Variants in MAST4 observed in about 807,000 individuals in gnomAD.
MAST4 encodes microtubule associated serine/threonine kinase family member 4.
Under a neutral mutation model 162.7 loss-of-function variants are expected in MAST4, and 89 were observed. That is an observed-to-expected ratio of 0.55 (90% CI 0.46 to 0.65). The LOEUF is 0.65. MAST4 is among the 30% of genes least tolerant of loss of function. The pLI is 0.00. For missense variants in MAST4, 3,153 were observed against 3,374.0 expected (o/e 0.93, Z 1.62); for synonymous variants, 1,479 against 1,361.1 (o/e 1.09, Z -1.91).
chr5:66,648,083 T>TGTGAGAGA (rs1229070126), intron 1 of MAST4, among the ~76,000 whole-genome samples: 1 of 87,066 alleles, frequency 1.1e-5, no homozygotes, highest in African/African-American at 4.3e-5. Flanking sequence ...TGTGTGTGTG[T>TGTGAGAGA]GAGAGAGAGA....
chr5:66,599,182 T>TGGGG (rs1742393981), intron 1 of MAST4, among the ~76,000 whole-genome samples: 1 of 152,170 alleles, frequency 6.6e-6, no homozygotes, highest in Non-Finnish European at 1.5e-5. Context: ...AGTGATAATC[T>TGGGG]TTGTGAAAGG....
intron 4 of MAST4, among the ~76,000 whole-genome samples, chr5:66,944,076 G>A (rs544677026): frequency 6.6e-6 from 1 of 152,054 alleles, no homozygotes; most frequent in African/African-American, 2.4e-5. Context: ...AAAACATTTC[G>A]AGGGTATTTT....
intron 1 of MAST4, among the ~76,000 whole-genome samples, chr5:66,669,050 A>AGTACATGT (rs1428656196): frequency 6.6e-6 from 1 of 152,256 alleles, no homozygotes; most frequent in East Asian, 1.9e-4. Flanking sequence ...CAGCATCCTT[A>AGTACATGT]GTACATGTTC....
chr5:67,086,858 A>T (rs1048755351), intron 5 of MAST4, among the ~76,000 whole-genome samples: 2 of 152,206 alleles, frequency 1.3e-5, no homozygotes, highest in African/African-American at 4.8e-5. Flanking sequence ...TGTGCACAGC[A>T]GTCAAGTCCT....
intron 2 of MAST4, among the ~76,000 whole-genome samples, chr5:66,786,493 A>G (rs1755126430): frequency 6.6e-6 from 1 of 152,200 alleles, no homozygotes; most frequent in South Asian, 2.1e-4. Flanking sequence ...CATAGGAGGG[A>G]GGAAAAAGTG....
At chr5:67,088,933 A>G (rs1040827378) in intron 5 of MAST4, among the ~76,000 whole-genome samples, 1 of 152,254 alleles carries the variant, frequency 6.6e-6, no homozygotes, top group South Asian at 2.1e-4. Flanking sequence ...TCAAGGTAAC[A>G]CTAAACTTAT....
At chr5:67,156,731 G>A (rs1238696158) in intron 26 of MAST4, among the ~76,000 whole-genome samples, 2 of 152,352 alleles carry the variant, frequency 1.3e-5, no homozygotes. Context: ...GTGCAAGATG[G>A]CCAAGATTGG....
chr5:66,853,921 G>T (rs1759490909), intron 3 of MAST4, among the ~76,000 whole-genome samples: 1 of 152,038 alleles, frequency 6.6e-6, no homozygotes. Context: ...ATTACTTAAA[G>T]GGTCAGTAGA....
At chr5:67,060,069 A>G (rs562691621) in intron 5 of MAST4, among the ~76,000 whole-genome samples, 1 of 152,298 alleles carries the variant, frequency 6.6e-6, no homozygotes, top group African/African-American at 2.4e-5. Context: ...AGGGTTTCCA[A>G]GGAGAAACTA....
intron 5 of MAST4, among the ~76,000 whole-genome samples, chr5:67,070,787 C>T (rs1400042421): frequency 6.6e-6 from 1 of 152,102 alleles, no homozygotes; most frequent in Non-Finnish European, 1.5e-5. Context: ...GCAAGATAGG[C>T]AGGAGACAGA....
intron 1 of MAST4, among the ~76,000 whole-genome samples, chr5:66,756,984 G>GTCTA (rs773818187): frequency 5.3e-4 from 81 of 152,164 alleles, no homozygotes; most frequent in Non-Finnish European, 1.0e-3. Context: ...AACAGCTCAT[G>GTCTA]TCTATATATG....
intron 3 of MAST4, among the ~76,000 whole-genome samples, chr5:66,857,846 A>G (rs915545842): frequency 2.6e-5 from 4 of 152,172 alleles, no homozygotes; most frequent in African/African-American, 9.6e-5. Flanking sequence ...CCGAATTTTA[A>G]TGCAGTTCAA....
chr5:66,978,280 G>A (rs891138333), intron 4 of MAST4, among the ~76,000 whole-genome samples: 2 of 152,170 alleles, frequency 1.3e-5, no homozygotes, highest in African/African-American at 4.8e-5. Flanking sequence ...GTGAGTTGTA[G>A]TAATGAGAGT....
chr5:67,130,563 T>G, intron 15 of MAST4, 145 bp downstream of exon 15: 1 of 744,508 alleles, frequency 1.3e-6, no homozygotes, highest in South Asian at 1.9e-5. Context: ...TTCCCAGTCA[T>G]TATCTTCTGA....
At chr5:66,609,168 G>A (rs1743107969) in intron 1 of MAST4, among the ~76,000 whole-genome samples, 1 of 151,056 alleles carries the variant, frequency 6.6e-6, no homozygotes, top group Non-Finnish European at 1.5e-5. Flanking sequence ...TTTTCCTTTG[G>A]CCACGTGTCA....
chr5:66,993,920 A>ACCCCCC (rs55759396), intron 4 of MAST4, among the ~76,000 whole-genome samples: 39 of 57,676 alleles, frequency 6.8e-4, no homozygotes, highest in Non-Finnish European at 8.9e-4. Flanking sequence ...TGTGCAGAAG[A>ACCCCCC]CCCCCCCCCC....
At chr5:66,685,890 G>A (rs537293812) in intron 1 of MAST4, among the ~76,000 whole-genome samples, 15 of 152,230 alleles carry the variant, frequency 9.9e-5, no homozygotes, top group African/African-American at 3.1e-4. Context: ...GAGGGGTTTG[G>A]GGGGATGGTT....
chr5:66,919,941 C>T (rs1165272311), intron 4 of MAST4, among the ~76,000 whole-genome samples: 25 of 136,566 alleles, frequency 1.8e-4, no homozygotes, highest in African/African-American at 5.9e-4. Context: ...TCCTTCCTTC[C>T]TTCCTTCCTT....
At chr5:67,012,612 G>A (rs1457001617) in intron 4 of MAST4, among the ~76,000 whole-genome samples, 1 of 152,164 alleles carries the variant, frequency 6.6e-6, no homozygotes, top group African/African-American at 2.4e-5. Context: ...TCTACTAAAA[G>A]TAGAGTCAGT....
Sources: gnomAD v4.1 joint callset for allele counts (sites outside exome capture counted in the v4.1 genomes callset) on GRCh38, gnomAD v4.1.1 for gene constraint, MANE v1.5 for transcripts, NCBI Gene and HGNC (gene_info 2026-07-23, HGNC 2026-07-21) for gene names.